PLXDC2: variants seen among roughly 807,000 people sequenced by gnomAD.
PLXDC2 encodes plexin domain-containing protein 2.
PLXDC2 carries 40 observed loss-of-function variants against 68.9 expected under a neutral mutation model. That is an observed-to-expected ratio of 0.58 (90% CI 0.45 to 0.76). The LOEUF is 0.76. Ranked by LOEUF, PLXDC2 falls within the 30% of genes least tolerant of loss-of-function variation. The probability of loss-of-function intolerance (pLI) is 0.00; values close to 1 mark genes in which losing one functional copy is unlikely to be tolerated. For synonymous variants in PLXDC2, 243 were observed against 234.2 expected, an observed-to-expected ratio of 1.04 and a Z score of -0.34; for missense variants, 644 against 661.9, an observed-to-expected ratio of 0.97 and a Z score of 0.30.
chr10:20,268,416 T>G (rs1835897197), intron 13 of PLXDC2, among the ~76,000 whole-genome samples: 1 of 152,196 alleles, frequency 6.6e-6, no homozygotes, highest in African/African-American at 2.4e-5. Flanking sequence ...ATTAAAAACA[T>G]ATGATGAAAC....
chr10:19,984,300 A>C (rs1834600281), intron 1 of PLXDC2, among the ~76,000 whole-genome samples: 1 of 152,152 alleles, frequency 6.6e-6, no homozygotes. Flanking sequence ...GCCACTGAAC[A>C]TCCCAGGTGG....
intron 13 of PLXDC2, among the ~76,000 whole-genome samples, chr10:20,264,233 A>T (rs1835843591): frequency 6.6e-6 from 1 of 152,220 alleles, no homozygotes; most frequent in Admixed American, 6.5e-5. Context: ...CAAATACTGC[A>T]TGTCCTCACT....
At chr10:19,936,387 A>G (rs1833724058) in intron 1 of PLXDC2, among the ~76,000 whole-genome samples, 1 of 152,246 alleles carries the variant, frequency 6.6e-6, no homozygotes, top group Non-Finnish European at 1.5e-5. Context: ...TAGAGGCTAT[A>G]GAGACTCTGT....
intron 1 of PLXDC2, among the ~76,000 whole-genome samples, chr10:19,889,378 C>A (rs73601626): frequency 2.0e-5 from 3 of 152,132 alleles, no homozygotes; most frequent in African/African-American, 7.2e-5. Context: ...TCCAACTACA[C>A]TGGAATGCAA....
At position 20,217,558 on chromosome 10, in the gene PLXDC2, A is replaced by G. The variant is rs376218902; in HGVS notation, c.1255A>G (p.Thr419Ala). The G allele has an allele frequency of 1.3e-5, 18 of 1,425,574 alleles. No individual in the cohort carries two copies. In the South Asian group the frequency reaches 1.9e-4, roughly 15 times the overall value. 88.3% of individuals were successfully genotyped at this position (1,425,574 alleles called of 1,614,324 possible). A position where few individuals can be genotyped will look rare whatever the true frequency, so the allele number is the denominator to read the frequency against. ...AAGAGCAGTGACTTCTCAGTTTCCC[A>G]CCAGCCTCCCTACAGAAGGTACCCA... The part of the protein sequence containing the change: ...TRRAVTSQFP[T>A]SLPTEDDTKI... The change falls in exon 11 of 14, where the codon ACC (threonine) becomes GCC (alanine). Residue 419 changes from threonine to alanine, a missense_variant. Around this residue, in one of 3 missense-constraint regions of PLXDC2, gnomAD observed 330 missense variants for 327.9 expected, o/e 1.01. Transcript: ENST00000377252.
In PLXDC2 at chr10:20,281,658, A is replaced by T. The variant is rs148170953; in HGVS notation, c.*1839A>T. On this transcript the variant is annotated 3_prime_UTR_variant, in exon 14 of 14. Transcript: ENST00000377252. ...CCTAACTTAGTTAACTATTAAAAAAAATTTTGAAAAGCAAGGTGATTGAAG... is the reference window on the plus strand; with the variant it reads ...CCTAACTTAGTTAACTATTAAAAAATATTTTGAAAAGCAAGGTGATTGAAG... 4.6e-4 allele frequency: 70 copies of T among 152,266 alleles called. No individual in the cohort carries two copies. The highest frequency in any genetic ancestry group is 1.4e-3 in the Admixed American group (22 of 15,280). The allele number at this position is 152,266 out of a possible 1,614,324, so 9.4% of individuals were successfully genotyped here.
intron 1 of PLXDC2, among the ~76,000 whole-genome samples, chr10:19,840,908 G>A (rs116897278): frequency 0.017 from 2,591 of 152,200 alleles, 29 homozygotes; most frequent in Non-Finnish European, 0.021. Flanking sequence ...AACTGATTAT[G>A]ACAGTGAAAC....
chr10:20,083,945 G>GAATA (rs1371528598), intron 4 of PLXDC2, among the ~76,000 whole-genome samples: 2 of 152,100 alleles, frequency 1.3e-5, no homozygotes, highest in Admixed American at 1.3e-4. Context: ...GTCCCACTAG[G>GAATA]AATAGTAAGT....
intron 4 of PLXDC2, among the ~76,000 whole-genome samples, chr10:20,102,310 G>A (rs529542538): frequency 6.6e-6 from 1 of 152,180 alleles, no homozygotes; most frequent in Admixed American, 6.5e-5. Flanking sequence ...TAGATAACTC[G>A]GTGTTTCCTA....
At chr10:20,273,918 C>T (rs10828001) in intron 13 of PLXDC2, among the ~76,000 whole-genome samples, 37,155 of 151,754 alleles carry the variant, frequency 0.24, 4,667 homozygotes, top group African/African-American at 0.3. Context: ...GCACTCCTGT[C>T]GTCCCAGCTA....
chr10:20,043,723 A>C (rs1376465083), intron 2 of PLXDC2, among the ~76,000 whole-genome samples: 1 of 152,126 alleles, frequency 6.6e-6, no homozygotes, highest in Non-Finnish European at 1.5e-5. Context: ...ATAGGGAAAA[A>C]ATTTAAATTT....
At chr10:19,991,188 G>A (rs1223881373) in intron 1 of PLXDC2, among the ~76,000 whole-genome samples, 1 of 151,186 alleles carries the variant, frequency 6.6e-6, no homozygotes, top group Non-Finnish European at 1.5e-5. Flanking sequence ...AGAGGTTGCG[G>A]TGAGCCGAGA....
At chr10:20,189,832 C>G (rs552400941) in intron 9 of PLXDC2, among the ~76,000 whole-genome samples, 2 of 151,544 alleles carry the variant, frequency 1.3e-5, no homozygotes, top group African/African-American at 4.8e-5. Context: ...ATTTTGGTCT[C>G]TGTCTTCTTT....
At chr10:20,178,341 A>T (rs1292845331) in intron 9 of PLXDC2, among the ~76,000 whole-genome samples, 1 of 152,158 alleles carries the variant, frequency 6.6e-6, no homozygotes, top group Non-Finnish European at 1.5e-5. Flanking sequence ...TTGGAAATAC[A>T]GGATGAAGAC....
At chr10:19,944,056 A>T (rs1833861499) in intron 1 of PLXDC2, among the ~76,000 whole-genome samples, 1 of 152,222 alleles carries the variant, frequency 6.6e-6, no homozygotes, top group African/African-American at 2.4e-5. Flanking sequence ...CACAAATTTC[A>T]TAACGATTTG....
chr10:19,965,944 A>G (rs1039940908), intron 1 of PLXDC2, among the ~76,000 whole-genome samples: 5 of 152,112 alleles, frequency 3.3e-5, no homozygotes, highest in Non-Finnish European at 5.9e-5. Flanking sequence ...ATTCTAGAAG[A>G]TGCTTCTTTT....
intron 1 of PLXDC2, among the ~76,000 whole-genome samples, chr10:19,987,778 A>C (rs998921875): frequency 3.0e-4 from 46 of 151,800 alleles, no homozygotes; most frequent in African/African-American, 9.2e-4. Context: ...GTTGGCCAGG[A>C]TGGTCTCGAT....
At chr10:20,252,366 A>G (rs1303501912) in intron 13 of PLXDC2, among the ~76,000 whole-genome samples, 1 of 152,238 alleles carries the variant, frequency 6.6e-6, no homozygotes, top group Non-Finnish European at 1.5e-5. Context: ...TTGAAATGAT[A>G]GTATCTTGGA....
intron 4 of PLXDC2, among the ~76,000 whole-genome samples, chr10:20,081,255 A>T (rs1244975770): frequency 6.6e-6 from 1 of 152,174 alleles, no homozygotes; most frequent in Non-Finnish European, 1.5e-5. Context: ...ACTTTAGGGA[A>T]ATACATCTGG....
Sources: gnomAD v4.1 joint callset for allele counts (sites outside exome capture counted in the v4.1 genomes callset) on GRCh38, gnomAD v4.1.1 for gene constraint, gnomAD v4.1.1 regional missense constraint, MANE v1.5 for transcripts, NCBI Gene and HGNC (gene_info 2026-07-23, HGNC 2026-07-21) for gene names.